Variants in GPC5 observed in about 807,000 individuals in gnomAD.
The protein encoded by GPC5 is glypican 5.
GPC5 carries 47 observed loss-of-function variants against 53.9 expected under a neutral mutation model. The ratio of observed to expected loss-of-function variants is 0.87; its 90% CI spans 0.69 to 1.11. GPC5 has a LOEUF of 1.11. Ranked by LOEUF, GPC5 falls within the 50% of genes most tolerant of loss-of-function variation. The pLI is 0.00. For missense variants in GPC5, 748 were observed against 713.1 expected, an observed-to-expected ratio of 1.05 and a Z score of -0.56; for synonymous variants, 286 against 263.3, an observed-to-expected ratio of 1.09 and a Z score of -0.84.
intron 2 of GPC5, among the ~76,000 whole-genome samples, chr13:91,500,114 A>C (rs1884536019): frequency 6.6e-6 from 1 of 152,120 alleles, no homozygotes; most frequent in Non-Finnish European, 1.5e-5. Context: ...TATCAAATAG[A>C]CTTCCACTCT....
intron 7 of GPC5, among the ~76,000 whole-genome samples, chr13:92,740,899 TATA>T (rs1566394342): frequency 1.6e-4 from 4 of 25,628 alleles, no homozygotes; most frequent in African/African-American, 3.4e-4. Context: ...TATTTATTTA[TATA>T]TATATATATA....
chr13:91,609,585 C>T (rs2033484548), intron 2 of GPC5, among the ~76,000 whole-genome samples: 1 of 152,150 alleles, frequency 6.6e-6, no homozygotes, highest in East Asian at 1.9e-4. Context: ...AGGATATTCA[C>T]TCAAGATGTC....
At chr13:91,742,686 A>G (rs2036961596) in intron 4 of GPC5, among the ~76,000 whole-genome samples, 1 of 152,166 alleles carries the variant, frequency 6.6e-6, no homozygotes, top group African/African-American at 2.4e-5. Context: ...TGCAACTATC[A>G]TATCCAGTGG....
At chr13:92,210,312 C>G (rs2042365931) in intron 7 of GPC5, among the ~76,000 whole-genome samples, 1 of 152,034 alleles carries the variant, frequency 6.6e-6, no homozygotes, top group Admixed American at 6.6e-5. Context: ...ATAGTGGATT[C>G]TGATTTCCTA....
chr13:92,270,119 A>G (rs1035705525), intron 7 of GPC5, among the ~76,000 whole-genome samples: 11 of 152,290 alleles, frequency 7.2e-5, no homozygotes, highest in African/African-American at 2.4e-4. Flanking sequence ...AAATAGGAAC[A>G]TAGGGATCAT....
intron 7 of GPC5, among the ~76,000 whole-genome samples, chr13:92,549,884 TACACAC>T (rs34914341): frequency 0.021 from 2,919 of 140,864 alleles, 32 homozygotes; most frequent in Middle Eastern, 0.036. Flanking sequence ...AACACACACA[TACACAC>T]ACACACACAC....
intron 6 of GPC5, among the ~76,000 whole-genome samples, chr13:91,959,674 A>G (rs2040108669): frequency 1.3e-5 from 2 of 152,074 alleles, no homozygotes; most frequent in African/African-American, 4.8e-5. Context: ...ATTCCATAGC[A>G]CATCAAAAGG....
intron 6 of GPC5, among the ~76,000 whole-genome samples, chr13:92,116,478 G>A (rs1944477257): frequency 6.6e-6 from 1 of 152,192 alleles, no homozygotes; most frequent in Admixed American, 6.5e-5. Context: ...GGCAGCCATA[G>A]CAAACTAATA....
intron 7 of GPC5, among the ~76,000 whole-genome samples, chr13:92,418,264 C>A (rs1439107275): frequency 6.6e-6 from 1 of 151,952 alleles, no homozygotes; most frequent in Non-Finnish European, 1.5e-5. Context: ...CTTTTTGAGT[C>A]CACTGGAAAT....
rs573943323 is a variant in GPC5, at chr13:91,946,769, GA to G, written c.1401+38721del. ...AAATCCTGGGGTTTATAGATAACGA[GA>G]AAAAAAAATTAAAATTAAACTCAAT... On this transcript the variant is annotated intron_variant, in intron 6 of 7. Transcript: ENST00000377067. Among the ~76,000 whole-genome samples, 298 of 151,314 alleles carry G rather than the reference GA, an allele frequency of 2.0e-3. 1 individual carries two copies. In the Middle Eastern group the frequency reaches 0.055, roughly 28 times the overall value.
intron 7 of GPC5, among the ~76,000 whole-genome samples, chr13:92,247,603 C>T (rs942784644): frequency 6.6e-6 from 1 of 151,988 alleles, no homozygotes; most frequent in Admixed American, 6.6e-5. Context: ...ATGTTTGTTG[C>T]AATGTACATA....
chr13:91,947,849 C>T (rs2039988111), intron 6 of GPC5, among the ~76,000 whole-genome samples: 1 of 152,074 alleles, frequency 6.6e-6, no homozygotes. Context: ...AGTACTTGGA[C>T]CATAATAGGC....
chr13:91,691,186 T>C (rs553985817), intron 2 of GPC5, among the ~76,000 whole-genome samples: 2 of 152,342 alleles, frequency 1.3e-5, no homozygotes, highest in African/African-American at 4.8e-5. Context: ...AGTGGAATGC[T>C]TGCTGAACAA....
At chr13:92,289,455 TATC>T (rs1259789524) in intron 7 of GPC5, among the ~76,000 whole-genome samples, 1 of 152,122 alleles carries the variant, frequency 6.6e-6, no homozygotes, top group African/African-American at 2.4e-5. Context: ...TTATGTTAAA[TATC>T]ATGAATTATT....
At chr13:91,897,680 C>CA (rs1283394807) in intron 5 of GPC5, among the ~76,000 whole-genome samples, 1 of 151,968 alleles carries the variant, frequency 6.6e-6, no homozygotes, top group Non-Finnish European at 1.5e-5. Flanking sequence ...GCACATTTGC[C>CA]AAAGTGAAGA....
chr13:91,472,469 C>G (rs979246963), intron 2 of GPC5, among the ~76,000 whole-genome samples: 1 of 152,132 alleles, frequency 6.6e-6, no homozygotes, highest in Non-Finnish European at 1.5e-5. Flanking sequence ...GATATGAGAA[C>G]TGAGTAAGAG....
intron 7 of GPC5, among the ~76,000 whole-genome samples, chr13:92,813,356 G>T (rs1272006121): frequency 6.6e-6 from 1 of 151,772 alleles, no homozygotes; most frequent in East Asian, 1.9e-4. Flanking sequence ...TCATAATAAT[G>T]AACACGTTTT....
intron 7 of GPC5, among the ~76,000 whole-genome samples, chr13:92,592,767 C>T (rs1335870558): frequency 1.3e-5 from 2 of 150,954 alleles, no homozygotes; most frequent in African/African-American, 4.9e-5. Flanking sequence ...ACAAAAAGTC[C>T]GAAGATTGGA....
At chr13:91,822,311 G>T (rs2138835687) in intron 5 of GPC5, among the ~76,000 whole-genome samples, 1 of 152,242 alleles carries the variant, frequency 6.6e-6, no homozygotes, top group South Asian at 2.1e-4. Context: ...AATTTCCATG[G>T]ACACTCTTTG....
Sources: gnomAD v4.1 joint callset for allele counts (sites outside exome capture counted in the v4.1 genomes callset) on GRCh38, gnomAD v4.1.1 for gene constraint, MANE v1.5 for transcripts, NCBI Gene and HGNC (gene_info 2026-07-23, HGNC 2026-07-21) for gene names.